Variants in PARD3B observed in about 807,000 individuals in gnomAD.
PARD3B encodes par-3 family cell polarity regulator beta, also known as partitioning defective 3 homolog B.
Under a neutral mutation model 130.2 loss-of-function variants are expected in PARD3B, and 103 were observed. That is an observed-to-expected ratio of 0.79 (90% CI 0.67 to 0.93). The LOEUF is 0.93. Among genes scored for constraint, PARD3B ranks in the 40% least tolerant of loss-of-function variants. The probability of loss-of-function intolerance (pLI) is 0.00; values close to 1 mark genes in which losing one functional copy is unlikely to be tolerated. For synonymous variants in PARD3B, 583 were observed against 553.2 expected, an observed-to-expected ratio of 1.05 and a Z score of -0.76; for missense variants, 1,609 against 1,499.2, an observed-to-expected ratio of 1.07 and a Z score of -1.21.
chr2:205,078,706 C>A lies in PARD3B; in HGVS notation c.505-25720C>A, dbSNP rs1311460264. Among the ~76,000 whole-genome samples the A allele has an allele frequency of 2.6e-5, 4 of 152,148 alleles. No homozygotes were observed. The highest frequency in any genetic ancestry group is 7.2e-5 in the African/African-American group (3 of 41,428). ...CTGGCCCAGTGACTTAATTGAAAAT[C>A]ATAGCGTGCAGCAGACATTGTGTGA... is the stretch of plus-strand genomic sequence containing the variant. On this transcript the variant is annotated intron_variant, in intron 4 of 22. Coordinates refer to ENST00000406610, the MANE Select transcript of PARD3B (RefSeq NM_001302769.2). This position sits in a 1 kb window ranked among gnomAD's most constrained non-coding sequence, Gnocchi z 4.0.
chr2:205,417,090 C>T (rs2046805447), intron 19 of PARD3B, among the ~76,000 whole-genome samples: 1 of 117,114 alleles, frequency 8.5e-6, no homozygotes, highest in Non-Finnish European at 1.7e-5. Flanking sequence ...TCCCCCCACC[C>T]CCCGGCAGGC....
intron 18 of PARD3B, among the ~76,000 whole-genome samples, chr2:205,367,439 G>C (rs757906284): frequency 6.6e-6 from 1 of 152,146 alleles, no homozygotes; most frequent in Non-Finnish European, 1.5e-5. Flanking sequence ...TTTCCTGACA[G>C]TAAGATTCTT....
At position 205,585,806 on chromosome 2, in the gene PARD3B, T is replaced by C. The variant is rs6435291; in HGVS notation, c.3261-29650T>C. 0.93 allele frequency among the ~76,000 whole-genome samples: 141,561 copies of C among 152,180 alleles called. 66,707 individuals carry two copies. The highest frequency in any genetic ancestry group is 1 in the East Asian group (5,174 of 5,174). ...TTTGAACTGGATTTCGGTAGCTTTG[T>C]GGGCTCTTGCAGAAAGAAAGCCTTG... On this transcript the variant is annotated intron_variant, in intron 22 of 22. Transcript: ENST00000406610. This position sits in a 1 kb window ranked among gnomAD's most constrained non-coding sequence, Gnocchi z 5.4.
At chr2:204,796,376 T>C (rs1314318262) in intron 2 of PARD3B, among the ~76,000 whole-genome samples, 1 of 152,180 alleles carries the variant, frequency 6.6e-6, no homozygotes, top group Non-Finnish European at 1.5e-5. Flanking sequence ...AGAACATTGA[T>C]CTCACTTGGA....
intron 4 of PARD3B, among the ~76,000 whole-genome samples, chr2:205,095,013 A>G (rs935927051): frequency 1.3e-5 from 2 of 152,136 alleles, no homozygotes; most frequent in Non-Finnish European, 2.9e-5. Flanking sequence ...TGGATTCTAA[A>G]TATTTGAGAA....
intron 21 of PARD3B, among the ~76,000 whole-genome samples, chr2:205,522,583 A>G (rs1015294361): frequency 8.5e-6 from 1 of 118,304 alleles, no homozygotes; most frequent in African/African-American, 3.1e-5. Flanking sequence ...GAGTTCCTAT[A>G]GTATTATAAT....
At chr2:204,949,310 C>G (rs1689578121) in intron 2 of PARD3B, among the ~76,000 whole-genome samples, 1 of 151,484 alleles carries the variant, frequency 6.6e-6, no homozygotes, top group East Asian at 1.9e-4. Context: ...CTTTCTTTTT[C>G]TCTTTCTTTC....
chr2:204,734,639 AG>A (rs1254847464), intron 2 of PARD3B, among the ~76,000 whole-genome samples: 1 of 152,218 alleles, frequency 6.6e-6, no homozygotes. Flanking sequence ...AAGTGAAAGA[AG>A]CCAGACACCA....
At chr2:204,561,894 G>A (rs2031340374) in intron 1 of PARD3B, among the ~76,000 whole-genome samples, 1 of 152,032 alleles carries the variant, frequency 6.6e-6, no homozygotes, top group African/African-American at 2.4e-5. Context: ...ACCGCGCCCG[G>A]CCATCTCCCC....
chr2:204,605,235 C>T (rs1305761254), intron 1 of PARD3B, among the ~76,000 whole-genome samples: 4 of 152,138 alleles, frequency 2.6e-5, no homozygotes, highest in African/African-American at 9.7e-5. Flanking sequence ...GGGAATTAGA[C>T]TTTCCATGCC....
intron 14 of PARD3B, among the ~76,000 whole-genome samples, chr2:205,189,999 G>T (rs1434904385): frequency 6.6e-6 from 1 of 152,204 alleles, no homozygotes; most frequent in Non-Finnish European, 1.5e-5. Context: ...GACATAATCA[G>T]ATGTGTACAT....
chr2:204,901,922 C>T (rs1308280187), intron 2 of PARD3B, among the ~76,000 whole-genome samples: 2 of 152,078 alleles, frequency 1.3e-5, no homozygotes, highest in Non-Finnish European at 2.9e-5. Context: ...GTGGGGGTCT[C>T]AGGAGTCTGC....
chr2:205,415,931 A>G (rs984205992), intron 19 of PARD3B, among the ~76,000 whole-genome samples: 3 of 152,140 alleles, frequency 2.0e-5, no homozygotes, highest in African/African-American at 7.2e-5. Context: ...TGTTTTTACA[A>G]CTTTTCTAGG....
intron 19 of PARD3B, among the ~76,000 whole-genome samples, chr2:205,409,132 G>A (rs1345644579): frequency 3.3e-5 from 5 of 152,100 alleles, no homozygotes; most frequent in African/African-American, 7.2e-5. Flanking sequence ...TTTTTATGCT[G>A]ACAGAAAGAA....
intron 20 of PARD3B, among the ~76,000 whole-genome samples, chr2:205,467,390 T>C (rs6760161): frequency 6.6e-6 from 1 of 152,184 alleles, no homozygotes; most frequent in Non-Finnish European, 1.5e-5. Context: ...ACCACCCAGC[T>C]TGGTGTCACA....
At position 205,461,048 on chromosome 2, in the gene PARD3B, A is replaced by G. The variant is rs2048433358; in HGVS notation, c.3044+20376A>G. 6.6e-6 allele frequency among the ~76,000 whole-genome samples: 1 copy of G among 152,198 alleles called. No homozygotes were observed. Among genetic ancestry groups the G allele is most frequent in the African/African-American group, 2.4e-5 (1 of 41,448 alleles). Reference sequence around the variant, plus strand: ...ATCTCCATTCAACAGATATTTATTGAGTGAGATTTAGACACAGTCCTTACT... The same window carrying G: ...ATCTCCATTCAACAGATATTTATTGGGTGAGATTTAGACACAGTCCTTACT... On this transcript the variant is annotated intron_variant, in intron 20 of 22. Transcript: ENST00000406610. The surrounding 1 kb of genome is among the most constrained non-coding windows in gnomAD (Gnocchi z 4.3).
rs1162367560 is a variant in PARD3B, at chr2:204,998,339, T to TAC, written c.394+33017_394+33018insCA. On this transcript the variant is annotated intron_variant, in intron 3 of 22. Transcript: ENST00000406610. ...ATATATATATATATATATATATATATATATATATATATATATATATGTGTG... is the reference window on the plus strand; with the variant it reads ...ATATATATATATATATATATATATATACATATATATATATATATATATGTGTG... Among the ~76,000 whole-genome samples, 577 of 64,944 alleles carry TAC rather than the reference T, an allele frequency of 8.9e-3. 18 individuals carry two copies. Among genetic ancestry groups the TAC allele is most frequent in the Middle Eastern group, 0.025 (4 of 162 alleles). The allele number at this position is 64,944 out of a possible 152,430, so 42.6% of individuals were successfully genotyped here. A position where few individuals can be genotyped will look rare whatever the true frequency, so the allele number is the denominator to read the frequency against.
intron 16 of PARD3B, among the ~76,000 whole-genome samples, chr2:205,282,888 G>C (rs899832659): frequency 6.6e-6 from 1 of 152,172 alleles, no homozygotes; most frequent in Non-Finnish European, 1.5e-5. Flanking sequence ...TTCCCAATCA[G>C]GTCTGTTTAT....
At chr2:205,093,180 A>G (rs1702210259) in intron 4 of PARD3B, among the ~76,000 whole-genome samples, 1 of 152,178 alleles carries the variant, frequency 6.6e-6, no homozygotes, top group African/African-American at 2.4e-5. Context: ...GTCTAGCATA[A>G]TACTCCAGAC....
Sources: allele counts gnomAD v4.1 joint callset (sites outside exome capture counted in the v4.1 genomes callset), GRCh38; gene constraint gnomAD v4.1.1; non-coding constraint Gnocchi (gnomAD v3.1); transcripts MANE v1.5; gene names NCBI Gene and HGNC (gene_info 2026-07-23, HGNC 2026-07-21).